The following SYT16 variants were observed in gnomAD, a reference collection of about 807,000 sequenced individuals.
SYT16 encodes the protein synaptotagmin 16, also known as synaptotagmin-16.
A neutral mutation model predicts 61.4 loss-of-function variants in SYT16; 42 were observed. The ratio of observed to expected loss-of-function variants is 0.68; its 90% confidence interval spans 0.53 to 0.89. The LOEUF (loss-of-function observed/expected upper bound fraction) is 0.89, where lower values mean the gene tolerates loss of function less well. SYT16 is among the 40% of genes least tolerant of loss of function. The pLI is 0.00. For missense variants in SYT16, 804 were observed against 807.3 expected, an observed-to-expected ratio of 1.00 and a Z score of 0.05; for synonymous variants, 314 against 302.3, an observed-to-expected ratio of 1.04 and a Z score of -0.40.
chr14:61,868,659 A>G (rs1349015522), intron 1 of SYT16, among the ~76,000 whole-genome samples: 2 of 152,002 alleles, frequency 1.3e-5, no homozygotes, highest in African/African-American at 2.4e-5. Flanking sequence ...CTCTCTTTCA[A>G]TAACATTTGT....
At chr14:62,093,340 T>C (rs971101223) in intron 7 of SYT16, among the ~76,000 whole-genome samples, 2 of 151,940 alleles carry the variant, frequency 1.3e-5, no homozygotes, top group African/African-American at 4.8e-5. Context: ...GTGTGATAAA[T>C]AGAAAGCACA....
At chr14:61,962,788 C>A (rs765470897) in intron 1 of SYT16, among the ~76,000 whole-genome samples, 1 of 152,010 alleles carries the variant, frequency 6.6e-6, no homozygotes, top group Non-Finnish European at 1.5e-5. Context: ...AGTTGAAGCT[C>A]TCTCTTCAGT....
At chr14:62,085,808 A>G (rs753504894) in intron 7 of SYT16, among the ~76,000 whole-genome samples, 2 of 152,198 alleles carry the variant, frequency 1.3e-5, no homozygotes, top group African/African-American at 4.8e-5. Context: ...TGCATAATAG[A>G]TGCTTATTAT....
chr14:61,974,905 G>T (rs1001672588), intron 2 of SYT16, among the ~76,000 whole-genome samples: 31 of 152,320 alleles, frequency 2.0e-4, no homozygotes, highest in African/African-American at 6.7e-4. Context: ...CAACTGGCTG[G>T]TGCCTGCACA....
intron 1 of SYT16, among the ~76,000 whole-genome samples, chr14:61,922,253 T>G (rs182877919): frequency 1.3e-5 from 2 of 152,346 alleles, no homozygotes; most frequent in Admixed American, 1.3e-4. Context: ...TGCAGCACTA[T>G]TCGCAATAGT....
chr14:62,106,745 T>A lies in SYT16; in HGVS notation c.*6038T>A, dbSNP rs554630662. 3.3e-5 allele frequency: 5 copies of A among 152,170 alleles called. No homozygotes were observed. The highest frequency in any genetic ancestry group is 5.9e-5 in the Non-Finnish European group (4 of 68,024). The allele number at this position is 152,170 out of a possible 1,614,324, so 9.4% of individuals were successfully genotyped here. On this transcript the variant is annotated 3_prime_UTR_variant, in exon 8 of 8. Coordinates refer to ENST00000683842, the MANE Select transcript of SYT16 (RefSeq NM_001367656.1). Reference sequence around the variant, plus strand: ...GTTTCCTCTCCTATGGTGCTTTGACTGTTTTTGTTTCCCTTGGGTCACAAA... The same window carrying A: ...GTTTCCTCTCCTATGGTGCTTTGACAGTTTTTGTTTCCCTTGGGTCACAAA...
At chr14:61,948,759 A>T (rs530742143) in intron 1 of SYT16, among the ~76,000 whole-genome samples, 2 of 152,322 alleles carry the variant, frequency 1.3e-5, no homozygotes, top group South Asian at 4.1e-4. Flanking sequence ...CAAGCTCAGA[A>T]TCTTGAAGAT....
intron 3 of SYT16, among the ~76,000 whole-genome samples, chr14:62,065,608 A>G (rs1182013072): frequency 6.6e-6 from 1 of 152,220 alleles, no homozygotes; most frequent in African/African-American, 2.4e-5. Context: ...TGGATGACTT[A>G]TGACTACTTA....
At chr14:61,994,851 A>C (rs2052699112) in intron 2 of SYT16, among the ~76,000 whole-genome samples, 1 of 152,192 alleles carries the variant, frequency 6.6e-6, no homozygotes, top group Non-Finnish European at 1.5e-5. Flanking sequence ...CTAATAAAAA[A>C]TTTTTAGAAT....
intron 3 of SYT16, among the ~76,000 whole-genome samples, chr14:62,045,206 C>G (rs751835680): frequency 6.6e-6 from 1 of 152,058 alleles, no homozygotes; most frequent in African/African-American, 2.4e-5. Flanking sequence ...ATATTTGCTA[C>G]TAGGATCATA....
At chr14:61,832,276 C>A in intron 1 of SYT16, 1 of 594,390 alleles carries the variant, frequency 1.7e-6, no homozygotes, top group Admixed American at 1.9e-5. Flanking sequence ...AGCGCATAGT[C>A]ATCGCTCTTC....
intron 1 of SYT16, among the ~76,000 whole-genome samples, chr14:61,882,275 T>C (rs1477526051): frequency 6.6e-6 from 1 of 152,140 alleles, no homozygotes; most frequent in African/African-American, 2.4e-5. Context: ...TGATAAGTAA[T>C]TTATAGTTAA....
At chr14:61,858,120 C>CAAAAAAAAAAAAAAAAAAAAA (rs34781118) in intron 1 of SYT16, among the ~76,000 whole-genome samples, 1 of 43,226 alleles carries the variant, frequency 2.3e-5, no homozygotes, top group African/African-American at 5.8e-5. Context: ...CACAGCTTGG[C>CAAAAAAAAAAAAAAAAAAAAA]AAAAAAAAAA....
chr14:61,988,146 A>G (rs574450688), intron 2 of SYT16, among the ~76,000 whole-genome samples: 2 of 152,332 alleles, frequency 1.3e-5, no homozygotes, highest in East Asian at 3.9e-4. Flanking sequence ...CCTGGAGCAC[A>G]GATGCCCTTT....
chr14:61,814,090 A>C (rs995083930), intron 1 of SYT16, among the ~76,000 whole-genome samples: 2 of 152,178 alleles, frequency 1.3e-5, no homozygotes, highest in African/African-American at 4.8e-5. Context: ...GGTGGCCTTC[A>C]GTAAATGGTG....
chr14:62,070,977 G>A (rs2056276791), intron 4 of SYT16, among the ~76,000 whole-genome samples: 1 of 152,180 alleles, frequency 6.6e-6, no homozygotes, highest in Non-Finnish European at 1.5e-5. Flanking sequence ...AAGGATTAAA[G>A]AGGTGGAATT....
chr14:62,088,337 A>G (rs925220766), intron 7 of SYT16, among the ~76,000 whole-genome samples: 1 of 152,210 alleles, frequency 6.6e-6, no homozygotes, highest in Non-Finnish European at 1.5e-5. Flanking sequence ...TGAGTTACCT[A>G]CTGCTTGATT....
chr14:61,864,978 G>T (rs1240120708), intron 1 of SYT16: 27 of 1,379,280 alleles, frequency 2.0e-5, no homozygotes, highest in Non-Finnish European at 2.8e-5. Flanking sequence ...GCGAGTCTGG[G>T]CCCCTCTTAC....
intron 1 of SYT16, among the ~76,000 whole-genome samples, chr14:61,896,234 C>T (rs1462421700): frequency 3.9e-5 from 6 of 152,188 alleles, no homozygotes; most frequent in Non-Finnish European, 8.8e-5. Context: ...TCACACACTG[C>T]TGTGGGGACC....
Sources: allele counts gnomAD v4.1 joint callset (sites outside exome capture counted in the v4.1 genomes callset), GRCh38; gene constraint gnomAD v4.1.1; transcripts MANE v1.5; gene names NCBI Gene and HGNC (gene_info 2026-07-23, HGNC 2026-07-21).